The following SNX1 variants were observed in gnomAD, a reference collection of about 807,000 sequenced individuals.
SNX1 encodes sorting nexin 1, also known as sorting nexin-1.
A neutral mutation model predicts 71.8 loss-of-function variants in SNX1; 36 were observed. The ratio of observed to expected loss-of-function variants is 0.50; its 90% CI spans 0.38 to 0.66. The LOEUF is 0.66. Ranked by LOEUF, SNX1 falls within the 30% of genes least tolerant of loss-of-function variation. The pLI is 0.00. For synonymous variants in SNX1, 254 were observed against 240.7 expected (o/e 1.06, Z -0.51); for missense variants, 612 against 646.7 (o/e 0.95, Z 0.58).
chr15:64,119,408 C>T (rs2081168134), intron 4 of SNX1, among the ~76,000 whole-genome samples: 1 of 152,162 alleles, frequency 6.6e-6, no homozygotes, highest in African/African-American at 2.4e-5. Context: ...AGGCATGAGC[C>T]ACCGCACCCA....
chr15:64,136,474 T>G, intron 13 of SNX1, 64 bp downstream of exon 13: 1 of 1,370,168 alleles, frequency 7.3e-7, no homozygotes, highest in East Asian at 2.3e-5. Context: ...ACTCTTGGTG[T>G]TGTCCAACTC....
chr15:64,127,724 C>T lies in SNX1; in HGVS notation c.732-7C>T, dbSNP rs2081268248. ...AACTAACCAGATGATAACTGCTTAC[C>T]TTTTAGGTACCTTCAGAGGATTGTA... On this transcript the variant is annotated splice_polypyrimidine_tract_variant and splice_region_variant and intron_variant, in intron 7 of 14. Transcript: ENST00000559844. 4 of 1,612,274 alleles carry T rather than the reference C, an allele frequency of 2.5e-6. No individual in the cohort carries two copies. The East Asian group carries it at 8.9e-5, about 36-fold the overall frequency.
intron 11 of SNX1, among the ~76,000 whole-genome samples, 180 bp downstream of exon 11, chr15:64,132,072 A>G (rs2081312941): frequency 6.6e-6 from 1 of 152,218 alleles, no homozygotes; most frequent in Admixed American, 6.5e-5. Flanking sequence ...GCTAGTTATC[A>G]CTGAATCATT....
chr15:64,099,255 A>G (rs115454451), intron 1 of SNX1, among the ~76,000 whole-genome samples: 1,738 of 152,314 alleles, frequency 0.011, 33 homozygotes, highest in African/African-American at 0.032. Context: ...GTAAAAAGTG[A>G]ATAATACTAG....
chr15:64,113,833 GAA>G (rs2081102227), intron 2 of SNX1, among the ~76,000 whole-genome samples: 4 of 150,898 alleles, frequency 2.7e-5, no homozygotes, highest in Non-Finnish European at 5.9e-5. Flanking sequence ...AATAAAGAAA[GAA>G]AGAAAGAGAG....
At chr15:64,102,466 A>G (rs1163906377) in intron 1 of SNX1, among the ~76,000 whole-genome samples, 4 of 152,310 alleles carry the variant, frequency 2.6e-5, no homozygotes, top group East Asian at 1.9e-4. Context: ...CTGCTGTCAA[A>G]TACTAGAACT....
In SNX1 at chr15:64,137,036, G is replaced by A. The variant is rs1023449258; in HGVS notation, c.1518+104G>A. On this transcript the variant is annotated intron_variant, in intron 14 of 14. Transcript: ENST00000559844. ...GATGTGCAGGCCCTGCTTCTGAGGGGCTGGGCCCTCCTATAGTCCATCATT... is the reference window on the plus strand; with the variant it reads ...GATGTGCAGGCCCTGCTTCTGAGGGACTGGGCCCTCCTATAGTCCATCATT... The A allele has an allele frequency of 9.5e-6, 8 of 845,328 alleles. No homozygotes were observed. The African/African-American group carries it at 1.0e-4, about 11-fold the overall frequency. The allele number at this position is 845,328 out of a possible 1,614,324, so 52.4% of individuals were successfully genotyped here. A position where few individuals can be genotyped will look rare whatever the true frequency, so the allele number is the denominator to read the frequency against.
intron 1 of SNX1, among the ~76,000 whole-genome samples, chr15:64,105,539 T>A (rs140914262): frequency 6.6e-6 from 1 of 152,348 alleles, no homozygotes; most frequent in African/African-American, 2.4e-5. Flanking sequence ...GCTTATTCTT[T>A]TGCTTCGTCA....
chr15:64,118,640 G>T, intron 3 of SNX1, 148 bp from the exon 4 acceptor site: 1 of 584,764 alleles, frequency 1.7e-6, no homozygotes, highest in Non-Finnish European at 2.9e-6. Context: ...TTTGAGAGTT[G>T]GTACATTGGG....
chr15:64,137,790 T>A lies in SNX1; in HGVS notation c.*172T>A. The A allele has an allele frequency of 7.0e-7, 1 of 1,434,916 alleles. No homozygotes were observed. The highest frequency in any genetic ancestry group is 9.1e-7 in the Non-Finnish European group (1 of 1,093,870). 88.9% of individuals were successfully genotyped at this position (1,434,916 alleles called of 1,614,324 possible). A position where few individuals can be genotyped will look rare whatever the true frequency, so the allele number is the denominator to read the frequency against. On this transcript the variant is annotated 3_prime_UTR_variant, in exon 15 of 15. Coordinates refer to ENST00000559844, the MANE Select transcript of SNX1 (RefSeq NM_003099.5). ...ACTCTAACCGTTATTTCATTTAGCTTCCATATATATTTTCTTACCTAAGAG... is the reference window on the plus strand; with the variant it reads ...ACTCTAACCGTTATTTCATTTAGCTACCATATATATTTTCTTACCTAAGAG...
At chr15:64,119,703 G>A (rs998315991) in intron 4 of SNX1, among the ~76,000 whole-genome samples, 13 of 147,598 alleles carry the variant, frequency 8.8e-5, no homozygotes, top group Admixed American at 1.4e-4. Context: ...CATCCTGGGT[G>A]ACAGAGCAAG....
At chr15:64,121,280 T>A (rs986336382) in intron 4 of SNX1, among the ~76,000 whole-genome samples, 1 of 152,222 alleles carries the variant, frequency 6.6e-6, no homozygotes, top group African/African-American at 2.4e-5. Flanking sequence ...CTCACAGTTT[T>A]GGAGGCCAGA....
chr15:64,117,962 C>A (rs182986842), intron 2 of SNX1, among the ~76,000 whole-genome samples, 155 bp from the exon 3 acceptor site: 35 of 152,316 alleles, frequency 2.3e-4, no homozygotes, highest in African/African-American at 8.2e-4. Context: ...ACCTTCCTCC[C>A]CTTTTCTCCT....
chr15:64,096,904 T>G (rs1256669103), intron 1 of SNX1, among the ~76,000 whole-genome samples: 1 of 152,220 alleles, frequency 6.6e-6, no homozygotes, highest in Non-Finnish European at 1.5e-5. Flanking sequence ...TTGTCGAGGT[T>G]CTTGGCATTT....
At position 64,127,779 on chromosome 15, in the gene SNX1, C is replaced by T. The variant is rs567291724; in HGVS notation, c.780C>T (p.Asp260=). The T allele has an allele frequency of 1.7e-5, 27 of 1,613,800 alleles. No individual in the cohort carries two copies. Among genetic ancestry groups the T allele is most frequent in the East Asian group, 1.1e-4 (5 of 44,880 alleles). Residue 260 remains aspartate (D), a synonymous_variant, in exon 8 of 15, where the codon GAC becomes GAT. Transcript: ENST00000559844. ...ATCCTACCATGTTACAGGACCCTGA[C>T]GTCAGAGAGTTCTTGGAAAAAGAAG... The part of the protein sequence containing the change: ...VNHPTMLQDP[D]VREFLEKEEL...
rs1171230809 is a variant in SNX1, at chr15:64,134,071, G to A, written c.1222-593G>A. 1 of 152,270 alleles carries A rather than the reference G, an allele frequency of 6.6e-6. No homozygotes were observed. The highest frequency in any genetic ancestry group is 2.4e-5 in the African/African-American group (1 of 41,446). 9.4% of individuals were successfully genotyped at this position (152,270 alleles called of 1,614,324 possible). ...TTTAAAGATTTGTTAAGCTAACCTTGTGCATTATTTGGGTGTCAGTTTAAA... is the reference window on the plus strand; with the variant it reads ...TTTAAAGATTTGTTAAGCTAACCTTATGCATTATTTGGGTGTCAGTTTAAA... On this transcript the variant is annotated intron_variant, in intron 11 of 14. Transcript: ENST00000559844. The surrounding 1 kb of genome is among the most constrained non-coding windows in gnomAD (Gnocchi z 4.1).
intron 10 of SNX1, among the ~76,000 whole-genome samples, chr15:64,131,208 G>A (rs1305340773): frequency 4.6e-5 from 7 of 152,074 alleles, no homozygotes; most frequent in Admixed American, 2.0e-4. Flanking sequence ...GCTTGAACCC[G>A]GGAGGCGGAG....
intron 1 of SNX1, 27 bp downstream of exon 1, chr15:64,096,199 G>T: frequency 6.5e-7 from 1 of 1,543,008 alleles, no homozygotes; most frequent in Non-Finnish European, 8.7e-7. Context: ...CGGGGTAGCA[G>T]GCGGGAGGGC....
In SNX1 at chr15:64,138,159, G is replaced by C; in HGVS notation, c.*541G>C. ...TGCTGCTGCTTCCCTCTGGAAATGGGGTTTCTTTCTCTCCGCCTACCTCAG... is the reference window on the plus strand; with the variant it reads ...TGCTGCTGCTTCCCTCTGGAAATGGCGTTTCTTTCTCTCCGCCTACCTCAG... On this transcript the variant is annotated 3_prime_UTR_variant, in exon 15 of 15. Coordinates refer to ENST00000559844, the MANE Select transcript of SNX1 (RefSeq NM_003099.5). The C allele has an allele frequency of 6.5e-7, 1 of 1,535,414 alleles. No homozygotes were observed. The highest frequency in any genetic ancestry group is 8.7e-7 in the Non-Finnish European group (1 of 1,146,832).
Sources: allele counts gnomAD v4.1 joint callset (sites outside exome capture counted in the v4.1 genomes callset), GRCh38; gene constraint gnomAD v4.1.1; non-coding constraint Gnocchi (gnomAD v3.1); transcripts MANE v1.5; gene names NCBI Gene and HGNC (gene_info 2026-07-23, HGNC 2026-07-21).